Variants in NID1 observed in about 807,000 individuals in gnomAD.
NID1 encodes nidogen-1.
Under a neutral mutation model 130.6 loss-of-function variants are expected in NID1, and 76 were observed. The observed-to-expected ratio is 0.58, with a 90% CI of 0.48 to 0.70. NID1 has a LOEUF of 0.70. Among genes scored for constraint, NID1 ranks in the 30% least tolerant of loss-of-function variants. The probability of loss-of-function intolerance (pLI) is 0.00; values close to 1 mark genes in which losing one functional copy is unlikely to be tolerated. For synonymous variants in NID1, 665 were observed against 675.1 expected (o/e 0.98, Z 0.23); for missense variants, 1,517 against 1,664.8 (o/e 0.91, Z 1.54).
Position 236,025,931 on chromosome 1 carries a change from C to A in NID1, c.1949G>T (p.Arg650Leu). ...CCCAATGGAGTTGCTGAGAGCATAG[C>A]GCAAGATCTTCTCCTCCTGGTTGTA... ...VLYNQEEKIL[R>L]YALSNSIGPV... The change falls in exon 8 of 20, where the codon CGC (arginine) becomes CTC (leucine). Residue 650 changes from arginine to leucine, a missense_variant. Arg to Leu is a moderately radical substitution (Grantham distance 102). Around this residue, in one of 3 missense-constraint regions of NID1, gnomAD observed 1,329 missense variants for 1,429.2 expected, o/e 0.93. Coordinates refer to ENST00000264187, the MANE Select transcript of NID1 (RefSeq NM_002508.3). 6.2e-7 allele frequency: 1 copy of A among 1,614,006 alleles called. No homozygotes were observed. Among genetic ancestry groups the A allele is most frequent in the South Asian group, 1.1e-5 (1 of 91,060 alleles).
chr1:236,038,402 C>G, intron 4 of NID1, 149 bp from the exon 5 acceptor site: 1 of 725,986 alleles, frequency 1.4e-6, no homozygotes, highest in South Asian at 3.5e-5. Context: ...AGATTACAAT[C>G]CCCTACAGGT....
At chr1:236,033,004 A>G (rs574429563) in intron 5 of NID1, among the ~76,000 whole-genome samples, 140 of 152,346 alleles carry the variant, frequency 9.2e-4, no homozygotes, top group African/African-American at 3.2e-3. Flanking sequence ...CATAGAATTT[A>G]TCACATTTGA....
intron 1 of NID1, among the ~76,000 whole-genome samples, chr1:236,051,643 C>G (rs974647422): frequency 6.6e-6 from 1 of 152,234 alleles, no homozygotes; most frequent in African/African-American, 2.4e-5. Context: ...GCCGGTCCCT[C>G]TGTCTCCCTT....
intron 12 of NID1, among the ~76,000 whole-genome samples, chr1:235,996,054 T>G (rs1414417547): frequency 6.6e-6 from 1 of 151,842 alleles, no homozygotes; most frequent in Non-Finnish European, 1.5e-5. Context: ...CCTGGGAGGG[T>G]GGGGCAGGAG....
chr1:235,984,214 C>G (rs906429523), intron 15 of NID1, among the ~76,000 whole-genome samples: 1 of 152,174 alleles, frequency 6.6e-6, no homozygotes, highest in African/African-American at 2.4e-5. Context: ...ATAACAATAA[C>G]ATTTTTAACA....
chr1:236,018,718 C>T (rs1323791790), intron 9 of NID1, among the ~76,000 whole-genome samples: 1 of 152,218 alleles, frequency 6.6e-6, no homozygotes, highest in African/African-American at 2.4e-5. Flanking sequence ...GGATTACAGG[C>T]GTGAGCCACA....
chr1:236,022,077 C>G (rs1373722060), intron 9 of NID1, among the ~76,000 whole-genome samples: 1 of 151,932 alleles, frequency 6.6e-6, no homozygotes, highest in Non-Finnish European at 1.5e-5. Flanking sequence ...TGAGACCAGC[C>G]TGGGCAACAT....
At chr1:236,015,900 C>A (rs1485716835) in intron 10 of NID1, among the ~76,000 whole-genome samples, 1 of 152,050 alleles carries the variant, frequency 6.6e-6, no homozygotes, top group Non-Finnish European at 1.5e-5. Context: ...CCAGCCTGCC[C>A]CTTCAGTGAG....
At chr1:236,054,447 A>C (rs1659842556) in intron 1 of NID1, among the ~76,000 whole-genome samples, 1 of 151,952 alleles carries the variant, frequency 6.6e-6, no homozygotes, top group Admixed American at 6.6e-5. Context: ...CAAGAGCAAA[A>C]CTCCATCTCA....
intron 1 of NID1, among the ~76,000 whole-genome samples, chr1:236,052,895 A>AAATG (rs61159787): frequency 0.041 from 6,259 of 152,162 alleles, 408 homozygotes; most frequent in African/African-American, 0.14. Context: ...AGCAGCTGGA[A>AAATG]AATGAATGAA....
Position 236,042,134 on chromosome 1 carries a change from C to T in NID1, c.911G>A (p.Gly304Asp), listed in dbSNP as rs1273258047. 12 of 1,614,132 alleles carry T rather than the reference C, an allele frequency of 7.4e-6. No individual in the cohort carries two copies. In the Middle Eastern group the frequency reaches 4.9e-4, roughly 67 times the overall value. The change falls in exon 4 of 20, where the codon GGC becomes GAC. Residue 304 changes from glycine to aspartate, a missense_variant. Transcript: ENST00000264187. ...GGGCGTGGTGCCCACATCCTCCAGGCCCAGACGAGTGGTCGCCAGGTCATA... is the reference window on the plus strand; with the variant it reads ...GGGCGTGGTGCCCACATCCTCCAGGTCCAGACGAGTGGTCGCCAGGTCATA... ...EDYDLATTRL[G>D]LEDVGTTPFS...
intron 15 of NID1, among the ~76,000 whole-genome samples, chr1:235,984,137 C>A (rs1190974017): frequency 6.6e-6 from 1 of 152,168 alleles, no homozygotes; most frequent in Non-Finnish European, 1.5e-5. Flanking sequence ...GCTCCAAAAG[C>A]AACAGGAAAT....
chr1:236,010,021 A>C (rs934569174), intron 12 of NID1, among the ~76,000 whole-genome samples: 3 of 152,230 alleles, frequency 2.0e-5, no homozygotes, highest in African/African-American at 7.2e-5. Context: ...TCAGGTTAAA[A>C]AAACAAAAAA....
At position 236,064,954 on chromosome 1, in the gene NID1, C is replaced by T; in HGVS notation, c.126G>A (p.Gly42=). The change falls in exon 1 of 20, where the codon GGG becomes GGA. Residue 42 remains glycine (G), a synonymous_variant. Coordinates refer to ENST00000264187, the MANE Select transcript of NID1 (RefSeq NM_002508.3). The part of the protein sequence containing the change: ...QELFPFGPGQ[G]DLELEDGDDF... ...CATCCCCGTCCTCCAGCTCCAGGTCCCCCTGTCCGGGGCCGAAGGGAAAGA... is the reference window on the plus strand; with the variant it reads ...CATCCCCGTCCTCCAGCTCCAGGTCTCCCTGTCCGGGGCCGAAGGGAAAGA... The T allele has an allele frequency of 1.9e-6, 3 of 1,604,466 alleles. No homozygotes were observed. The highest frequency in any genetic ancestry group is 2.6e-6 in the Non-Finnish European group (3 of 1,176,094).
At chr1:236,010,513 G>A (rs777457486) in intron 12 of NID1, among the ~76,000 whole-genome samples, 2 of 152,028 alleles carry the variant, frequency 1.3e-5, no homozygotes, top group African/African-American at 2.4e-5. Flanking sequence ...GCCCAGGCCG[G>A]TCTCTCAAAC....
At chr1:236,045,840 G>C (rs910180778) in intron 2 of NID1, among the ~76,000 whole-genome samples, 157 bp from the exon 3 acceptor site, 22 of 152,186 alleles carry the variant, frequency 1.4e-4, no homozygotes, top group African/African-American at 4.3e-4. Flanking sequence ...AAGAACCTAG[G>C]ATTCTGGGAT....
At chr1:236,010,300 CTT>C (rs551127579) in intron 12 of NID1, among the ~76,000 whole-genome samples, 339 of 107,168 alleles carry the variant, frequency 3.2e-3, no homozygotes, top group African/African-American at 0.011. Flanking sequence ...GCTATTTATA[CTT>C]TTTTTTTTTT....
At chr1:236,011,381 C>A (rs939103423) in intron 12 of NID1, among the ~76,000 whole-genome samples, 1 of 150,202 alleles carries the variant, frequency 6.7e-6, no homozygotes, top group African/African-American at 2.5e-5. Context: ...CAGCTCACTG[C>A]AACCTCTGCC....
chr1:235,986,754 G>T (rs770505432), intron 14 of NID1, among the ~76,000 whole-genome samples: 17 of 152,136 alleles, frequency 1.1e-4, no homozygotes, highest in African/African-American at 3.9e-4. Flanking sequence ...AAGCCAGTGC[G>T]CCCAGACAAG....
Sources: allele counts gnomAD v4.1 joint callset (sites outside exome capture counted in the v4.1 genomes callset), GRCh38; gene constraint gnomAD v4.1.1; regional missense constraint gnomAD v4.1.1; transcripts MANE v1.5; gene names NCBI Gene and HGNC (gene_info 2026-07-23, HGNC 2026-07-21).